The following PCCB variants were observed in gnomAD, a reference collection of about 807,000 sequenced individuals.
The protein encoded by PCCB is propionyl-CoA carboxylase beta chain, mitochondrial.
PCCB carries 43 observed loss-of-function variants against 60.7 expected under a neutral mutation model. That is an observed-to-expected ratio of 0.71 (90% confidence interval 0.55 to 0.91). The LOEUF is 0.91. Ranked by LOEUF, PCCB falls within the 40% of genes least tolerant of loss-of-function variation. The probability of loss-of-function intolerance (pLI) is 0.00; values close to 1 mark genes in which losing one functional copy is unlikely to be tolerated. For synonymous variants in PCCB, 276 were observed against 255.9 expected (o/e 1.08, Z -0.75); for missense variants, 766 against 702.8 (o/e 1.09, Z -1.02).
chr3:136,287,734 T>C (rs1279840), intron 6 of PCCB, among the ~76,000 whole-genome samples: 114,940 of 152,234 alleles, frequency 0.76, 43,546 homozygotes, highest in East Asian at 0.86. Flanking sequence ...CTGCGCCCAG[T>C]TATAGTAAAT....
At chr3:136,288,605 A>G (rs929381544) in intron 6 of PCCB, among the ~76,000 whole-genome samples, 1 of 150,086 alleles carries the variant, frequency 6.7e-6, no homozygotes, top group East Asian at 2.0e-4. Context: ...CTCCCTCCCA[A>G]AGTGCTGGGA....
intron 2 of PCCB, 28 bp downstream of exon 2, chr3:136,256,003 CTTT>C: frequency 6.2e-7 from 1 of 1,614,046 alleles, no homozygotes; most frequent in Non-Finnish European, 8.5e-7. Context: ...GGTGTGAACA[CTTT>C]TTAGGTGTGG....
At chr3:136,305,895 A>C (rs1009554482) in intron 9 of PCCB, among the ~76,000 whole-genome samples, 1 of 121,812 alleles carries the variant, frequency 8.2e-6, no homozygotes, top group Non-Finnish European at 1.8e-5. Flanking sequence ...CAAAGGAAAG[A>C]GAGAGGTACC....
intron 8 of PCCB, among the ~76,000 whole-genome samples, chr3:136,299,841 T>C (rs1002712119): frequency 6.6e-6 from 1 of 151,704 alleles, no homozygotes; most frequent in Non-Finnish European, 1.5e-5. Flanking sequence ...TATGCATGTG[T>C]ATGTATATGC....
At chr3:136,286,986 G>A (rs920382103) in intron 6 of PCCB, among the ~76,000 whole-genome samples, 8 of 150,792 alleles carry the variant, frequency 5.3e-5, no homozygotes, top group Admixed American at 4.6e-4. Context: ...AACCAAGATC[G>A]CGCCACTGCA....
At chr3:136,308,234 CTT>C (rs71157373) in intron 9 of PCCB, among the ~76,000 whole-genome samples, 6 of 130,340 alleles carry the variant, frequency 4.6e-5, no homozygotes, top group Admixed American at 8.2e-5. Context: ...TAAGGAAGGA[CTT>C]TTTTTTTTTT....
At position 136,297,971 on chromosome 3, in the gene PCCB, T is replaced by G. The variant is rs1934011462; in HGVS notation, c.783T>G (p.Phe261Leu). 1 of 1,614,168 alleles carries G rather than the reference T, an allele frequency of 6.2e-7. No homozygotes were observed. The highest frequency in any genetic ancestry group is 8.5e-7 in the Non-Finnish European group (1 of 1,179,986). Residue 261 changes from phenylalanine (F) to leucine (L), a missense_variant, in exon 8 of 15, where the codon TTT (phenylalanine) becomes TTG (leucine). Phe to Leu is a conservative substitution (Grantham distance 22). Transcript: ENST00000251654. ...TTMSGVAHRA[F>L]ENDVDALCNL... ...TCTTAGGTGTGGCCCACAGAGCTTT[T>G]GAAAATGATGTTGATGCCTTGTGTA...
intron 1 of PCCB, chr3:136,255,614 C>T: frequency 1.8e-6 from 1 of 540,842 alleles, no homozygotes; most frequent in Non-Finnish European, 3.3e-6. Flanking sequence ...TTTCCTCGTC[C>T]TATTTCCTTA....
At chr3:136,280,752 A>G (rs1942454545) in intron 5 of PCCB, among the ~76,000 whole-genome samples, 1 of 152,178 alleles carries the variant, frequency 6.6e-6, no homozygotes, top group African/African-American at 2.4e-5. Context: ...CATTGACCTT[A>G]TAGGATCAAG....
At chr3:136,312,890 T>G (rs1934723891) in intron 9 of PCCB, among the ~76,000 whole-genome samples, 1 of 152,156 alleles carries the variant, frequency 6.6e-6, no homozygotes, top group African/African-American at 2.4e-5. Context: ...AGAGCTCTTA[T>G]GCTGAGGGAT....
At position 136,328,797 on chromosome 3, in the gene PCCB, G is replaced by A; in HGVS notation, c.1438G>A (p.Glu480Lys). ...EIIFKGHENV[E>K]AAQAEYIEKF... ...CATCTTCAAAGGGCATGAGAATGTG[G>A]AAGCTGCTCAGGCAGAGTACATCGA... Residue 480 changes from glutamate to lysine, a missense_variant, in exon 14 of 15, where the codon GAA becomes AAA. Coordinates refer to ENST00000251654, the MANE Select transcript of PCCB (RefSeq NM_000532.5). 6.2e-7 allele frequency: 1 copy of A among 1,614,204 alleles called. No homozygotes were observed. Among genetic ancestry groups the A allele is most frequent in the African/African-American group, 1.3e-5 (1 of 75,068 alleles).
chr3:136,287,128 C>T (rs1238083280), intron 6 of PCCB, among the ~76,000 whole-genome samples: 1 of 151,656 alleles, frequency 6.6e-6, no homozygotes, highest in African/African-American at 2.4e-5. Context: ...TTGTAGCCTC[C>T]ATCCTGCTTA....
Position 136,316,956 on chromosome 3 carries a change from G to A in PCCB, c.982G>A (p.Glu328Lys). Residue 328 changes from glutamate (E) to lysine (K), a missense_variant, in exon 10 of 15, where the codon GAA (glutamate) becomes AAA (lysine). Transcript: ENST00000251654. ...DIIHSVVDEREFFEIMPNYAK... is the reference protein window; with the variant it reads ...DIIHSVVDERKFFEIMPNYAK... ...ATTCCTGCAGGTTGTTGATGAGCGT[G>A]AATTTTTTGAGATCATGCCCAATTA... 1 of 1,614,060 alleles carries A rather than the reference G, an allele frequency of 6.2e-7. No homozygotes were observed. Among genetic ancestry groups the A allele is most frequent in the Non-Finnish European group, 8.5e-7 (1 of 1,179,988 alleles).
chr3:136,305,317 C>G (rs1934420044), intron 9 of PCCB, among the ~76,000 whole-genome samples: 1 of 120,408 alleles, frequency 8.3e-6, no homozygotes, highest in Non-Finnish European at 1.8e-5. Context: ...GTCTCAAACT[C>G]CTGGCTTCAA....
chr3:136,288,894 C>T (rs2108189755), intron 6 of PCCB, among the ~76,000 whole-genome samples: 1 of 152,244 alleles, frequency 6.6e-6, no homozygotes, highest in Non-Finnish European at 1.5e-5. Flanking sequence ...CCTTGACCTC[C>T]TGGGGTCAAG....
chr3:136,293,942 T>C (rs1291875130), intron 7 of PCCB, 78 bp downstream of exon 7: 8 of 837,400 alleles, frequency 9.6e-6, no homozygotes, highest in Non-Finnish European at 1.3e-5. Flanking sequence ...GTGGCAGTTT[T>C]TAAGAAATAT....
intron 9 of PCCB, among the ~76,000 whole-genome samples, chr3:136,303,837 C>G (rs1934369155): frequency 8.2e-6 from 1 of 122,406 alleles, no homozygotes; most frequent in Non-Finnish European, 1.8e-5. Flanking sequence ...CTTCTGACCT[C>G]AGGTGATCCA....
chr3:136,254,370 T>C (rs887552507), intron 1 of PCCB, among the ~76,000 whole-genome samples: 19 of 151,166 alleles, frequency 1.3e-4, no homozygotes, highest in African/African-American at 4.6e-4. Context: ...AGGTGGGTGC[T>C]ACCAAGCCCA....
chr3:136,312,900 T>G (rs1934724485), intron 9 of PCCB, among the ~76,000 whole-genome samples: 1 of 152,136 alleles, frequency 6.6e-6, no homozygotes, highest in Non-Finnish European at 1.5e-5. Flanking sequence ...TGCTGAGGGA[T>G]TAACAACCAA....
Sources: allele counts gnomAD v4.1 joint callset (sites outside exome capture counted in the v4.1 genomes callset), GRCh38; gene constraint gnomAD v4.1.1; transcripts MANE v1.5; gene names NCBI Gene and HGNC (gene_info 2026-07-23, HGNC 2026-07-21).